KANK4: variants seen among roughly 807,000 people sequenced by gnomAD.
The protein encoded by KANK4 is KN motif and ankyrin repeat domains 4, also known as KN motif and ankyrin repeat domain-containing protein 4.
Under a neutral mutation model 80.8 loss-of-function variants are expected in KANK4, and 50 were observed. The observed-to-expected ratio is 0.62, with a 90% CI of 0.49 to 0.78. KANK4 has a LOEUF of 0.78. Among genes scored for constraint, KANK4 ranks in the 30% least tolerant of loss-of-function variants. The probability of loss-of-function intolerance (pLI) is 0.00; values close to 1 mark genes in which losing one functional copy is unlikely to be tolerated. For synonymous variants in KANK4, 465 were observed against 506.9 expected (o/e 0.92, Z 1.11); for missense variants, 1,196 against 1,240.1 (o/e 0.96, Z 0.53).
chr1:62,292,186 T>A (rs1368021615), intron 1 of KANK4, among the ~76,000 whole-genome samples: 2 of 152,188 alleles, frequency 1.3e-5, no homozygotes, highest in Non-Finnish European at 2.9e-5. Flanking sequence ...CTTAACATGA[T>A]GTTTTCAAGG....
intron 1 of KANK4, among the ~76,000 whole-genome samples, chr1:62,294,435 A>T (rs1235726803): frequency 1.3e-5 from 2 of 152,202 alleles, no homozygotes; most frequent in African/African-American, 4.8e-5. Context: ...GAGCAGCATC[A>T]TCCCTGGTCC....
chr1:62,305,534 C>T (rs917845471), intron 1 of KANK4, among the ~76,000 whole-genome samples: 5 of 152,054 alleles, frequency 3.3e-5, no homozygotes, highest in African/African-American at 9.7e-5. Context: ...TGGTCTTGAA[C>T]TCCTGACCTA....
At chr1:62,254,430 C>CA (rs1190015548) in intron 7 of KANK4, among the ~76,000 whole-genome samples, 2 of 133,338 alleles carry the variant, frequency 1.5e-5, no homozygotes, top group African/African-American at 5.5e-5. Flanking sequence ...TTAGTAGAGA[C>CA]AGAGTTTCAC....
At chr1:62,244,168 C>A (rs938339913) in intron 9 of KANK4, among the ~76,000 whole-genome samples, 2 of 151,848 alleles carry the variant, frequency 1.3e-5, no homozygotes, top group Non-Finnish European at 2.9e-5. Context: ...GTCACTGAAC[C>A]TAGATTCAAA....
intron 2 of KANK4, among the ~76,000 whole-genome samples, chr1:62,279,519 G>A (rs1672406484): frequency 6.6e-6 from 1 of 152,180 alleles, no homozygotes; most frequent in African/African-American, 2.4e-5. Flanking sequence ...TGGCCAACCT[G>A]GCTGGATTTG....
At chr1:62,260,862 C>T (rs1184127628) in intron 7 of KANK4, among the ~76,000 whole-genome samples, 1 of 152,180 alleles carries the variant, frequency 6.6e-6, no homozygotes, top group Non-Finnish European at 1.5e-5. Context: ...CACAGGATAA[C>T]CAAGAGCAAA....
chr1:62,303,518 G>A lies in KANK4; in HGVS notation c.-71+15588C>T, dbSNP rs145569513. Reference sequence around the variant, plus strand: ...ACAAAGGTGCCCAAAAGCACCCACCGCCCATCCCAAACTAAGTCGTCTTGG... The same window carrying A: ...ACAAAGGTGCCCAAAAGCACCCACCACCCATCCCAAACTAAGTCGTCTTGG... On this transcript the variant is annotated intron_variant, in intron 1 of 9. Transcript: ENST00000371153. Among the ~76,000 whole-genome samples, 512 of 151,980 alleles carry A rather than the reference G, an allele frequency of 3.4e-3. 1 individual carries two copies. Among genetic ancestry groups the A allele is most frequent in the Middle Eastern group, 0.014 (4 of 294 alleles).
intron 1 of KANK4, among the ~76,000 whole-genome samples, chr1:62,303,414 G>T (rs1185954929): frequency 6.6e-6 from 1 of 152,012 alleles, no homozygotes; most frequent in Non-Finnish European, 1.5e-5. Context: ...AAGTGCAAAG[G>T]TGAGGACAGG....
chr1:62,260,810 A>G (rs1671867324), intron 7 of KANK4, among the ~76,000 whole-genome samples: 1 of 152,104 alleles, frequency 6.6e-6, no homozygotes, highest in South Asian at 2.1e-4. Flanking sequence ...TTATCACACG[A>G]CTGCCTGGGT....
chr1:62,311,665 G>A (rs564231556), intron 1 of KANK4, among the ~76,000 whole-genome samples: 8 of 152,224 alleles, frequency 5.3e-5, no homozygotes, highest in African/African-American at 1.7e-4. Context: ...GATCATCATT[G>A]CGCGCTAGGT....
chr1:62,313,662 G>A (rs555712196), intron 1 of KANK4, among the ~76,000 whole-genome samples: 7 of 152,146 alleles, frequency 4.6e-5, no homozygotes, highest in African/African-American at 1.7e-4. Flanking sequence ...AGAACACATG[G>A]ACACGGGGAG....
intron 8 of KANK4, among the ~76,000 whole-genome samples, chr1:62,249,968 TG>T: frequency 6.6e-6 from 1 of 150,640 alleles, no homozygotes; most frequent in East Asian, 2.0e-4. Context: ...CCACCGTGCC[TG>T]ACTGTGTGTA....
At chr1:62,308,192 T>C (rs937166575) in intron 1 of KANK4, among the ~76,000 whole-genome samples, 1 of 152,202 alleles carries the variant, frequency 6.6e-6, no homozygotes, top group African/African-American at 2.4e-5. Flanking sequence ...ATTCAGGCTC[T>C]GCTTTGGAAG....
chr1:62,279,224 A>T, intron 2 of KANK4, among the ~76,000 whole-genome samples: 1 of 151,836 alleles, frequency 6.6e-6, no homozygotes, highest in South Asian at 2.1e-4. Context: ...ACACACACAC[A>T]CACACACACA....
At chr1:62,238,484 G>A (rs758867090) in intron 9 of KANK4, 103 bp from the exon 10 acceptor site, 324 of 887,198 alleles carry the variant, frequency 3.7e-4, no homozygotes, top group Non-Finnish European at 5.0e-4. Flanking sequence ...GGACACAGGT[G>A]TCTATTAAGG....
rs74076422 is a variant in KANK4, at chr1:62,260,122, C to T, written c.2539+2970G>A. ...TCCTCAACATCTCTCTGCACTGTTA[C>T]CCACTTTCTCCTTTTTTTGCTTCCA... On this transcript the variant is annotated intron_variant, in intron 7 of 9. Transcript: ENST00000371153. 2.4e-3 allele frequency among the ~76,000 whole-genome samples: 367 copies of T among 152,286 alleles called. 3 individuals carry two copies. The highest frequency in any genetic ancestry group is 8.5e-3 in the African/African-American group (354 of 41,554).
At chr1:62,272,362 T>C (rs147136952) in intron 3 of KANK4, 8 of 152,314 alleles carry the variant, frequency 5.3e-5, no homozygotes, top group African/African-American at 1.9e-4. Context: ...AGAGAAAATA[T>C]TCAGTGAACT....
chr1:62,238,019 GAT>G lies in KANK4; in HGVS notation c.*256_*257del, dbSNP rs2149110040. 1 of 386,356 alleles carries G rather than the reference GAT, an allele frequency of 2.6e-6. No individual in the cohort carries two copies. The highest frequency in any genetic ancestry group is 4.8e-6 in the Non-Finnish European group (1 of 209,158). 23.9% of individuals were successfully genotyped at this position (386,356 alleles called of 1,614,324 possible). On this transcript the variant is annotated 3_prime_UTR_variant, in exon 10 of 10. Transcript: ENST00000371153. ...AGGCTGAAGATGTTTTGGATGTTTG[GAT>G]GACACCGACGTACCCCTCACCTTGC...
intron 1 of KANK4, among the ~76,000 whole-genome samples, chr1:62,290,715 G>A (rs1271469853): frequency 6.6e-6 from 1 of 151,726 alleles, no homozygotes; most frequent in African/African-American, 2.4e-5. Context: ...ATGCATGGGT[G>A]GATGGATCAG....
Sources: gnomAD v4.1 joint callset for allele counts (sites outside exome capture counted in the v4.1 genomes callset) on GRCh38, gnomAD v4.1.1 for gene constraint, MANE v1.5 for transcripts, NCBI Gene and HGNC (gene_info 2026-07-23, HGNC 2026-07-21) for gene names.